MASP2: variants seen among roughly 807,000 people sequenced by gnomAD.
MASP2 encodes the protein MBL associated serine protease 2.
Under a neutral mutation model 57.1 loss-of-function variants are expected in MASP2, and 49 were observed. The observed-to-expected ratio is 0.86, with a 90% CI of 0.68 to 1.09. MASP2 has a LOEUF of 1.09. Ranked by LOEUF, MASP2 falls within the 50% of genes least tolerant of loss-of-function variation. The probability of loss-of-function intolerance (pLI) is 0.00; values close to 1 mark genes in which losing one functional copy is unlikely to be tolerated. For synonymous variants in MASP2, 379 were observed against 340.8 expected (o/e 1.11, Z -1.24); for missense variants, 900 against 874.8 (o/e 1.03, Z -0.36).
intron 3 of MASP2, 114 bp downstream of exon 3, chr1:11,046,442 C>G: frequency 8.0e-7 from 1 of 1,246,670 alleles, no homozygotes; most frequent in Non-Finnish European, 1.1e-6. Flanking sequence ...AGAGGCCTCT[C>G]CCCTGCCCTG....
intron 7 of MASP2, among the ~76,000 whole-genome samples, chr1:11,036,623 GTC>G (rs1476385038): frequency 7.3e-6 from 1 of 137,018 alleles, no homozygotes; most frequent in Non-Finnish European, 1.5e-5. Context: ...TGGGAAAAGT[GTC>G]TCTCTTTTTT....
At chr1:11,045,903 C>T (rs903899128) in intron 3 of MASP2, 2 of 291,960 alleles carry the variant, frequency 6.9e-6, no homozygotes, top group South Asian at 6.0e-5. Flanking sequence ...AGAGGTCACA[C>T]AGTTGGTCTC....
intron 8 of MASP2, among the ~76,000 whole-genome samples, chr1:11,033,316 A>G (rs1643866490): frequency 6.6e-6 from 1 of 151,150 alleles, no homozygotes; most frequent in Non-Finnish European, 1.5e-5. Context: ...CAACAAGAAC[A>G]AAACTGCGTC....
chr1:11,047,122 A>G lies in MASP2; in HGVS notation c.6-3T>C, dbSNP rs1388369605. 3.9e-6 allele frequency: 6 copies of G among 1,549,538 alleles called. No homozygotes were observed. The highest frequency in any genetic ancestry group is 5.2e-6 in the Non-Finnish European group (6 of 1,146,446). ...GAAGGCCCAGGAGGGTCAGCAGCCT[A>G]TGGGCAGGGCAGGGGCGGTGAGGGC... On this transcript the variant is annotated splice_polypyrimidine_tract_variant and splice_region_variant and intron_variant, in intron 1 of 10. Transcript: ENST00000400897.
In MASP2 at chr1:11,027,519, T is replaced by C. The variant is rs746387117; in HGVS notation, c.1427A>G (p.Asn476Ser). ...GGCATGAGCAGCTGTTAGGACCCAG[T>C]TGTCATATAAAAGTGCACCTGCTGC... ...TTAAGALLYD[N>S]WVLTAAHAVY... The change falls in exon 11 of 11, where the codon AAC becomes AGC. Residue 476 changes from asparagine to serine, a missense_variant. Asn to Ser is a conservative substitution (Grantham distance 46). Coordinates refer to ENST00000400897, the MANE Select transcript of MASP2 (RefSeq NM_006610.4). The C allele has an allele frequency of 3.1e-6, 5 of 1,614,174 alleles. No homozygotes were observed. In the South Asian group the frequency reaches 4.4e-5, roughly 14 times the overall value.
chr1:11,041,639 AAT>A (rs1638443911), intron 6 of MASP2, among the ~76,000 whole-genome samples: 1 of 145,828 alleles, frequency 6.9e-6, no homozygotes. Flanking sequence ...GGATGGATGG[AAT>A]GATGGGTAGG....
intron 6 of MASP2, among the ~76,000 whole-genome samples, chr1:11,041,404 G>GTGTATGGA (rs1638430335): frequency 8.3e-6 from 1 of 120,742 alleles, no homozygotes; most frequent in Non-Finnish European, 1.7e-5. Context: ...GGATGGATGA[G>GTGTATGGA]TGGATGGATG....
At chr1:11,029,270 G>A (rs913300107) in intron 10 of MASP2, among the ~76,000 whole-genome samples, 1 of 151,504 alleles carries the variant, frequency 6.6e-6, no homozygotes. Context: ...AAAGTGCTGG[G>A]ATTACAGGCG....
At chr1:11,030,548 A>G (rs1643827015) in intron 9 of MASP2, 200 bp downstream of exon 9, 1 of 595,350 alleles carries the variant, frequency 1.7e-6, no homozygotes, top group African/African-American at 1.9e-5. Context: ...TGTAGTAGTC[A>G]TTTACTAGAT....
rs551726006 is a variant in MASP2, at chr1:11,036,862, C to T, written c.1008+831G>A. ...TAACTTTGCAGAATATACTCTTTCC[C>T]GGGGCTGTCTACTTTTTTGTGGGCC... On this transcript the variant is annotated intron_variant, in intron 7 of 10. Coordinates refer to ENST00000400897, the MANE Select transcript of MASP2 (RefSeq NM_006610.4). 7.1e-4 allele frequency among the ~76,000 whole-genome samples: 108 copies of T among 152,102 alleles called. 2 individuals carry two copies. The South Asian group carries it at 0.012, about 18-fold the overall frequency.
chr1:11,031,578 A>G (rs1233123808), intron 8 of MASP2, among the ~76,000 whole-genome samples: 2 of 150,906 alleles, frequency 1.3e-5, no homozygotes, highest in Non-Finnish European at 3.0e-5. Flanking sequence ...GACATGGCAC[A>G]GGTTCAATGT....
Position 11,027,277 on chromosome 1 carries a change from C to G in MASP2, c.1669G>C (p.Glu557Gln). The G allele has an allele frequency of 6.2e-7, 1 of 1,613,950 alleles. No homozygotes were observed. The part of the protein sequence containing the change: ...NITPICLPRK[E>Q]AESFMRTDDI... ...TCTGTCCTCATAAAGGATTCAGCTT[C>G]TTTTCTTGGCAGACAAATAGGCGTG... Residue 557 changes from glutamate to glutamine, a missense_variant, in exon 11 of 11, where the codon GAA (glutamate) becomes CAA (glutamine). Physicochemically the swap from Glu to Gln is conservative, Grantham distance 29. Transcript: ENST00000400897.
Position 11,026,559 on chromosome 1 carries a change from A to G in MASP2, c.*326T>C. On this transcript the variant is annotated 3_prime_UTR_variant, in exon 11 of 11. Coordinates refer to ENST00000400897, the MANE Select transcript of MASP2 (RefSeq NM_006610.4). Reference sequence around the variant, plus strand: ...AAGTTTAAAAACAAAGAGCATGGACAGGCAGTTTACAGAAATGCCAACAGC... The same window carrying G: ...AAGTTTAAAAACAAAGAGCATGGACGGGCAGTTTACAGAAATGCCAACAGC... 1 of 198,006 alleles carries G rather than the reference A, an allele frequency of 5.1e-6. No individual in the cohort carries two copies. 12.3% of individuals were successfully genotyped at this position (198,006 alleles called of 1,614,324 possible). A position where few individuals can be genotyped will look rare whatever the true frequency, so the allele number is the denominator to read the frequency against.
chr1:11,044,692 A>G, intron 4 of MASP2: 2 of 1,050,116 alleles, frequency 1.9e-6, no homozygotes, highest in Non-Finnish European at 2.7e-6. Flanking sequence ...CCCATGGAGG[A>G]GGCTCCCACA....
chr1:11,046,497 G>C (rs2100908182), intron 3 of MASP2, 59 bp downstream of exon 3: 1 of 1,594,302 alleles, frequency 6.3e-7, no homozygotes, highest in African/African-American at 1.3e-5. Context: ...GCCTAAGACA[G>C]AGTTACCCCC....
rs1638647166 is a variant in MASP2, at chr1:11,046,618, A to T, written c.350T>A (p.Phe117Tyr). ...YSLGSSLDIT[F>Y]RSDYSNEKPF... ...CTTCTCGTTGGAGTAGTCGGAGCGGAAGGTAATGTCCAGGCTGGAGCCCAG... is the reference window on the plus strand; with the variant it reads ...CTTCTCGTTGGAGTAGTCGGAGCGGTAGGTAATGTCCAGGCTGGAGCCCAG... The change falls in exon 3 of 11, where the codon TTC (phenylalanine) becomes TAC (tyrosine). Residue 117 changes from phenylalanine to tyrosine, a missense_variant. By Grantham distance (22) the Phe-to-Tyr change is conservative. Coordinates refer to ENST00000400897, the MANE Select transcript of MASP2 (RefSeq NM_006610.4). 4 of 1,613,766 alleles carry T rather than the reference A, an allele frequency of 2.5e-6. No individual in the cohort carries two copies. The highest frequency in any genetic ancestry group is 3.4e-6 in the Non-Finnish European group (4 of 1,180,020).
intron 6 of MASP2, among the ~76,000 whole-genome samples, chr1:11,039,718 A>AGATGGATAGCTGGAAGGATGGATG (rs1638359900): frequency 6.9e-6 from 1 of 144,850 alleles, no homozygotes; most frequent in East Asian, 2.1e-4. Context: ...GTGGGTGGAT[A>AGATGGATAGCTGGAAGGATGGATG]GATGGATAGC....
chr1:11,028,046 A>T (rs929906242), intron 10 of MASP2, among the ~76,000 whole-genome samples: 2 of 152,062 alleles, frequency 1.3e-5, no homozygotes, highest in Non-Finnish European at 2.9e-5. Flanking sequence ...ACATGGTGAG[A>T]CCCTGTCTCT....
intron 10 of MASP2, among the ~76,000 whole-genome samples, chr1:11,029,446 A>G (rs936184986): frequency 6.6e-6 from 1 of 151,672 alleles, no homozygotes; most frequent in Non-Finnish European, 1.5e-5. Flanking sequence ...TTTGGAGCCA[A>G]TTCTGGTTAA....
Sources: gnomAD v4.1 joint callset for allele counts (sites outside exome capture counted in the v4.1 genomes callset) on GRCh38, gnomAD v4.1.1 for gene constraint, MANE v1.5 for transcripts, NCBI Gene and HGNC (gene_info 2026-07-23, HGNC 2026-07-21) for gene names.